Variants in PP2D1 observed in about 807,000 individuals in gnomAD.
PP2D1 encodes the protein protein phosphatase 2C-like domain-containing protein 1.
Under a neutral mutation model 30.2 loss-of-function variants are expected in PP2D1, and 25 were observed. The observed-to-expected ratio is 0.83, with a 90% CI of 0.60 to 1.16. PP2D1 has a LOEUF of 1.16. Ranked by LOEUF, PP2D1 falls within the 50% of genes most tolerant of loss-of-function variation. The pLI is 0.00. For synonymous variants in PP2D1, 260 were observed against 258.9 expected (o/e 1.00, Z -0.04); for missense variants, 760 against 742.4 (o/e 1.02, Z -0.28).
At chr3:20,000,136 A>G (rs1024907205) in intron 2 of PP2D1, among the ~76,000 whole-genome samples, 2 of 152,184 alleles carry the variant, frequency 1.3e-5, no homozygotes, top group Non-Finnish European at 2.9e-5. Flanking sequence ...AGGTAACATG[A>G]TATGGTAGGA....
chr3:19,985,183 C>G, downstream of PP2D1: 1 of 513,920 alleles, frequency 1.9e-6, no homozygotes. Flanking sequence ...CAAGTATCGG[C>G]TTTTCTCTTT....
chr3:20,007,305 G>A (rs1697331377), intron 1 of PP2D1, among the ~76,000 whole-genome samples: 1 of 152,110 alleles, frequency 6.6e-6, no homozygotes, highest in South Asian at 2.1e-4. Context: ...TATTATTTTA[G>A]GAGGTATTTT....
Position 20,001,303 on chromosome 3 carries a change from C to G in PP2D1, c.817G>C (p.Glu273Gln). The change falls in exon 2 of 3, where the codon GAA becomes CAA. Residue 273 changes from glutamate to glutamine, a missense_variant. Glu to Gln is a conservative substitution (Grantham distance 29). This residue lies in a region of PP2D1 where 374 missense variants were observed against 388.8 expected (regional missense o/e 0.96). Transcript: ENST00000389050. ...TCCTCATACTCACACCTCACTGCTT[C>G]TGTTTTGTTTATGGCAGAAAAGAGG... ...EDLFSAINKT[E>Q]AVRCEYEDTH... The G allele has an allele frequency of 6.5e-7, 1 of 1,535,764 alleles. No homozygotes were observed. The highest frequency in any genetic ancestry group is 8.7e-7 in the Non-Finnish European group (1 of 1,146,626).
Position 20,012,152 on chromosome 3 carries a change from G to A in PP2D1, c.-80C>T. 8.4e-7 allele frequency: 1 copy of A among 1,187,858 alleles called. No homozygotes were observed. Among genetic ancestry groups the A allele is most frequent in the Non-Finnish European group, 1.2e-6 (1 of 839,336 alleles). 73.6% of individuals were successfully genotyped at this position (1,187,858 alleles called of 1,614,324 possible). On this transcript the variant is annotated 5_prime_UTR_variant, in exon 1 of 3. Transcript: ENST00000389050. ...TATTTCTCCAACTTGAGTAGTGATGGTGATGGTGGAGGTAGAGGTGAATGT... is the reference window on the plus strand; with the variant it reads ...TATTTCTCCAACTTGAGTAGTGATGATGATGGTGGAGGTAGAGGTGAATGT...
chr3:19,985,237 T>C (rs1322495288), downstream of PP2D1: 3 of 646,266 alleles, frequency 4.6e-6, no homozygotes, highest in African/African-American at 5.5e-5. Context: ...TAAATGATAC[T>C]ATATGACCTA....
At chr3:19,995,813 G>A (rs908398475) in intron 2 of PP2D1, among the ~76,000 whole-genome samples, 2 of 151,946 alleles carry the variant, frequency 1.3e-5, no homozygotes, top group African/African-American at 4.8e-5. Flanking sequence ...AATAGCAAGA[G>A]GAACATTGGA....
intron 1 of PP2D1, among the ~76,000 whole-genome samples, chr3:20,005,098 G>C (rs184640115): frequency 6.6e-6 from 1 of 151,954 alleles, no homozygotes; most frequent in Non-Finnish European, 1.5e-5. Flanking sequence ...GCTACAGATC[G>C]AGACCCTGTC....
rs576002531 is a variant in PP2D1, at chr3:20,010,733, C to T, written c.23+1317G>A. Among the ~76,000 whole-genome samples, 9 of 152,092 alleles carry T rather than the reference C, an allele frequency of 5.9e-5. No homozygotes were observed. The South Asian group carries it at 8.3e-4, about 14-fold the overall frequency. On this transcript the variant is annotated intron_variant, in intron 1 of 2. Coordinates refer to ENST00000389050, the MANE Select transcript of PP2D1 (RefSeq NM_001252657.2). The stretch of plus-strand genomic sequence containing the variant: ...CAGGAGAATTGCTTGAACCCAGGGG[C>T]GGAGGTTGCGGTGAGCCAAGATCAT...
At chr3:19,980,193 C>G (rs1414145607) in intron 3 of PP2D1, 2 of 152,128 alleles carry the variant, frequency 1.3e-5, no homozygotes, top group East Asian at 3.9e-4. Flanking sequence ...TTAGAGGAAA[C>G]AATGAGTTAA....
At chr3:19,989,751 G>A (rs796899893) in intron 2 of PP2D1, among the ~76,000 whole-genome samples, 12 of 152,258 alleles carry the variant, frequency 7.9e-5, no homozygotes, top group African/African-American at 2.9e-4. Flanking sequence ...GAATTGTACG[G>A]CCATAGCTCT....
intron 2 of PP2D1, among the ~76,000 whole-genome samples, chr3:19,999,337 C>T (rs1697221989): frequency 6.6e-6 from 1 of 152,072 alleles, no homozygotes; most frequent in Non-Finnish European, 1.5e-5. Flanking sequence ...CTTGGCCTCC[C>T]AAAATGCTGG....
At chr3:19,988,544 C>T (rs1392615830) in intron 2 of PP2D1, among the ~76,000 whole-genome samples, 1 of 152,194 alleles carries the variant, frequency 6.6e-6, no homozygotes, top group African/African-American at 2.4e-5. Flanking sequence ...GTCCTGTGAT[C>T]TCGTTCTGCC....
intron 2 of PP2D1, among the ~76,000 whole-genome samples, chr3:19,987,683 G>T (rs372948293): frequency 6.6e-6 from 1 of 152,118 alleles, no homozygotes; most frequent in African/African-American, 2.4e-5. Flanking sequence ...GCTGAGGCAG[G>T]CAAATCACTT....
At chr3:19,983,576 A>G, downstream of PP2D1, 1 of 664,700 alleles carries the variant, frequency 1.5e-6, no homozygotes, top group Admixed American at 2.6e-5. Flanking sequence ...TAAACATTTG[A>G]AAAGAATGAA....
chr3:19,986,770 C>T (rs1697043194), intron 2 of PP2D1, among the ~76,000 whole-genome samples: 1 of 152,148 alleles, frequency 6.6e-6, no homozygotes, highest in African/African-American at 2.4e-5. Context: ...TGTGGTGGCT[C>T]AAGCCTTTAA....
chr3:19,991,820 G>A (rs1472336770), intron 2 of PP2D1, among the ~76,000 whole-genome samples: 8 of 151,856 alleles, frequency 5.3e-5, no homozygotes, highest in Admixed American at 5.3e-4. Flanking sequence ...GAAATTGAGG[G>A]GAAATGAAAA....
At chr3:19,986,926 A>G (rs1295305815) in intron 2 of PP2D1, among the ~76,000 whole-genome samples, 2 of 151,800 alleles carry the variant, frequency 1.3e-5, no homozygotes, top group African/African-American at 4.8e-5. Context: ...AATCTCAGCT[A>G]CTTGGGAGGC....
downstream of PP2D1, chr3:19,984,116 T>C: frequency 2.4e-6 from 1 of 410,024 alleles, no homozygotes; most frequent in Middle Eastern, 7.9e-4. Flanking sequence ...CAAATGACTG[T>C]CTGGGCCCAC....
chr3:19,980,903 T>G (rs1696912842), downstream of PP2D1, among the ~76,000 whole-genome samples: 1 of 152,134 alleles, frequency 6.6e-6, no homozygotes, highest in Non-Finnish European at 1.5e-5. Flanking sequence ...TAAAAATGAT[T>G]GATGCTGATG....
Sources: gnomAD v4.1 joint callset for allele counts (sites outside exome capture counted in the v4.1 genomes callset) on GRCh38, gnomAD v4.1.1 for gene constraint, gnomAD v4.1.1 regional missense constraint, MANE v1.5 for transcripts, NCBI Gene and HGNC (gene_info 2026-07-23, HGNC 2026-07-21) for gene names.